PLCZ1: variants seen among roughly 807,000 people sequenced by gnomAD.
PLCZ1 encodes the protein 1-phosphatidylinositol 4,5-bisphosphate phosphodiesterase zeta-1.
A neutral mutation model predicts 76.8 loss-of-function variants in PLCZ1; 64 were observed. The ratio of observed to expected loss-of-function variants is 0.83; its 90% CI spans 0.68 to 1.03. The LOEUF (loss-of-function observed/expected upper bound fraction) is 1.03. PLCZ1 is among the 50% of genes least tolerant of loss of function. The pLI is 0.00. For missense variants in PLCZ1, 751 were observed against 713.7 expected (o/e 1.05, Z -0.60); for synonymous variants, 248 against 230.8 (o/e 1.07, Z -0.68).
At position 18,723,373 on chromosome 12, in the gene PLCZ1, G is replaced by C; in HGVS notation, c.305C>G (p.Ala102Gly). ...LAQFLTQEQY[A>G]AEMSKAIAFE... ...AGCAATAGCTTTACTCATCTCAGCT[G>C]CATATTGTTCTTGTGTCAGAAATTG... The change falls in exon 4 of 15, where the codon GCA becomes GGA. Residue 102 changes from alanine (A) to glycine (G), a missense_variant. Transcript: ENST00000266505. 6.2e-7 allele frequency: 1 copy of C among 1,612,884 alleles called. No individual in the cohort carries two copies. Among genetic ancestry groups the C allele is most frequent in the Non-Finnish European group, 8.5e-7 (1 of 1,179,406 alleles).
chr12:18,712,762 A>G (rs1592209667), intron 6 of PLCZ1, 80 bp downstream of exon 6: 1 of 1,510,698 alleles, frequency 6.6e-7, no homozygotes, highest in East Asian at 2.3e-5. Flanking sequence ...AGTAAGGCTA[A>G]GCATTATAGG....
At position 18,684,223 on chromosome 12, in the gene PLCZ1, C is replaced by A. The variant is rs753912831; in HGVS notation, c.1648G>T (p.Ala550Ser). Residue 550 changes from alanine (A) to serine (S), a missense_variant, in exon 14 of 15, where the codon GCA becomes TCA. Transcript: ENST00000266505. ...CCTTCAACAACAAAACGTATCAATG[C>A]CAATTCTGGGACATGAATAATAAAT... ...FTFIIHVPEL[A>S]LIRFVVEGQG... 6.8e-6 allele frequency: 11 copies of A among 1,611,220 alleles called. No homozygotes were observed. Among genetic ancestry groups the A allele is most frequent in the African/African-American group, 1.3e-5 (1 of 74,744 alleles).
chr12:18,685,646 A>T (rs751810479), intron 13 of PLCZ1: 22 of 517,176 alleles, frequency 4.3e-5, no homozygotes, highest in Middle Eastern at 3.2e-4. Context: ...AATAATGACC[A>T]TATTACCTTG....
intron 4 of PLCZ1, among the ~76,000 whole-genome samples, chr12:18,721,842 G>T (rs1262185513): frequency 6.6e-6 from 1 of 151,408 alleles, no homozygotes; most frequent in Non-Finnish European, 1.5e-5. Flanking sequence ...AGACCAAATT[G>T]TCACTAAGAC....
At chr12:18,680,483 T>A (rs1392287736), downstream of PLCZ1, among the ~76,000 whole-genome samples, 1 of 152,070 alleles carries the variant, frequency 6.6e-6, no homozygotes, top group Non-Finnish European at 1.5e-5. Flanking sequence ...GCCTGTCATT[T>A]ACCTCCAGTG....
chr12:18,716,162 G>A (rs1030989132), intron 5 of PLCZ1, among the ~76,000 whole-genome samples: 2 of 151,744 alleles, frequency 1.3e-5, no homozygotes, highest in African/African-American at 4.8e-5. Context: ...TGATTATGAC[G>A]GTAAATTGTC....
At chr12:18,677,006 G>A in the PLCZ1 span, among the ~76,000 whole-genome samples, 4 of 152,104 alleles carry the variant, frequency 2.6e-5, no homozygotes, top group South Asian at 4.1e-4. Context: ...ACAGATATTT[G>A]TCATAAATCA....
downstream of PLCZ1, among the ~76,000 whole-genome samples, chr12:18,678,409 G>T: frequency 6.6e-6 from 1 of 152,062 alleles, no homozygotes; most frequent in East Asian, 1.9e-4. Context: ...AATTTGATTC[G>T]TTTTGACATA....
chr12:18,683,679 G>A, intron 14 of PLCZ1: 4 of 1,239,618 alleles, frequency 3.2e-6, no homozygotes, highest in Non-Finnish European at 4.3e-6. Context: ...GGAGCACAGT[G>A]TAAATCACCC....
chr12:18,659,656 C>G, the PLCZ1 span, among the ~76,000 whole-genome samples: 3 of 139,342 alleles, frequency 2.2e-5, no homozygotes, highest in Admixed American at 1.5e-4. Flanking sequence ...TGGAATAGTT[C>G]TCCATTCTTT....
the PLCZ1 span, among the ~76,000 whole-genome samples, chr12:18,661,672 AG>A: frequency 1.5e-4 from 23 of 152,142 alleles, no homozygotes; most frequent in Non-Finnish European, 2.9e-4. Context: ...TGTGGAGAAA[AG>A]GGGATGCTTA....
chr12:18,720,802 A>G (rs1315910737), intron 4 of PLCZ1, among the ~76,000 whole-genome samples: 2 of 152,064 alleles, frequency 1.3e-5, no homozygotes, highest in African/African-American at 4.8e-5. Context: ...TAAAAGCAAG[A>G]TAAGTGCAGG....
At chr12:18,651,520 A>G in the PLCZ1 span, among the ~76,000 whole-genome samples, 1 of 152,200 alleles carries the variant, frequency 6.6e-6, no homozygotes, top group African/African-American at 2.4e-5. Flanking sequence ...GTTCACTGAC[A>G]GTAGAGACTT....
intron 2 of PLCZ1, 132 bp downstream of exon 2, chr12:18,737,229 A>C: frequency 1.0e-6 from 1 of 967,118 alleles, no homozygotes; most frequent in South Asian, 1.4e-5. Flanking sequence ...CTCAGAACAA[A>C]CAGGGAAAAG....
At chr12:18,667,402 G>T in the PLCZ1 span, among the ~76,000 whole-genome samples, 2 of 152,058 alleles carry the variant, frequency 1.3e-5, no homozygotes, top group Admixed American at 6.5e-5. Context: ...AAGATTACCT[G>T]TATCTATCTG....
Position 18,688,131 on chromosome 12 carries a change from T to C in PLCZ1, c.1549A>G (p.Asn517Asp), listed in dbSNP as rs762517624. The C allele has an allele frequency of 8.7e-6, 14 of 1,611,664 alleles. 1 individual carries two copies. In the South Asian group the frequency reaches 1.5e-4, roughly 18 times the overall value. Residue 517 changes from asparagine to aspartate, a missense_variant, in exon 13 of 15, where the codon AAT becomes GAT. Coordinates refer to ENST00000266505, the MANE Select transcript of PLCZ1 (RefSeq NM_033123.4). Reference sequence around the variant, plus strand: ...CGAGTCTGCTGCTTCATTTGATCATTTGGAACACCAAAAACTTCTATAATT... The same window carrying C: ...CGAGTCTGCTGCTTCATTTGATCATCTGGAACACCAAAAACTTCTATAATT... ...LVIIEVFGVP[N>D]DQMKQQTRVI...
intron 5 of PLCZ1, 68 bp downstream of exon 5, chr12:18,719,363 T>G: frequency 1.0e-5 from 9 of 898,858 alleles, no homozygotes; most frequent in Non-Finnish European, 1.4e-5. Flanking sequence ...TCTTGCCTAC[T>G]GAGGTAGACA....
At chr12:18,670,925 G>T in the PLCZ1 span, among the ~76,000 whole-genome samples, 3 of 152,162 alleles carry the variant, frequency 2.0e-5, no homozygotes. Context: ...GCTCATGCCT[G>T]TAATCCCAAC....
chr12:18,664,755 T>C, the PLCZ1 span, among the ~76,000 whole-genome samples: 1 of 151,030 alleles, frequency 6.6e-6, no homozygotes, highest in African/African-American at 2.4e-5. Flanking sequence ...TTGGAACCAA[T>C]CCAAATGTCC....
Sources: gnomAD v4.1 joint callset for allele counts (sites outside exome capture counted in the v4.1 genomes callset) on GRCh38, gnomAD v4.1.1 for gene constraint, MANE v1.5 for transcripts, NCBI Gene and HGNC (gene_info 2026-07-23, HGNC 2026-07-21) for gene names.